ARHGAP4: variants seen among roughly 807,000 people sequenced by gnomAD.
ARHGAP4 encodes the protein Rho GTPase activating protein 4.
In ARHGAP4, 25 loss-of-function variants were observed where a neutral mutation model predicts 67.6. The observed-to-expected ratio is 0.37, with a 90% CI of 0.27 to 0.52. The LOEUF is 0.52. Among genes scored for constraint, ARHGAP4 ranks in the 20% least tolerant of loss-of-function variants. The pLI is 0.92. For synonymous variants in ARHGAP4, 448 were observed against 373.7 expected (o/e 1.20, Z -2.29); for missense variants, 804 against 854.6 (o/e 0.94, Z 0.74).
chrX:153,908,535 C>A (rs782292000), intron 21 of ARHGAP4, among the ~76,000 whole-genome samples: 4 of 110,868 alleles, frequency 3.6e-5, no homozygotes, highest in Non-Finnish European at 7.7e-5. Context: ...CCAGGTTGTG[C>A]GCTTGCCAGG....
intron 12 of ARHGAP4, among the ~76,000 whole-genome samples, 182 bp downstream of exon 12, chrX:153,912,518 G>A (rs2065028008): frequency 8.9e-6 from 1 of 112,233 alleles, no homozygotes; most frequent in African/African-American, 3.2e-5. Context: ...CCTTCAATCA[G>A]CGGAGGCTAT....
chrX:153,908,757 C>T (rs1557101917), intron 21 of ARHGAP4, among the ~76,000 whole-genome samples: 1 of 112,236 alleles, frequency 8.9e-6, no homozygotes, highest in Admixed American at 9.4e-5. Context: ...ACCAGGTAAA[C>T]AGCCTTAACT....
Position 153,913,592 on chromosome X carries a change from C to T in ARHGAP4, c.1143G>A (p.Lys381=). The T allele has an allele frequency of 8.3e-7, 1 of 1,205,550 alleles. No individual in the cohort carries two copies. The highest frequency in any genetic ancestry group is 1.1e-6 in the Non-Finnish European group (1 of 891,657). The change falls in exon 9 of 22, where the codon AAG becomes AAA. Residue 381 remains lysine, a synonymous_variant. Coordinates refer to ENST00000350060, the MANE Select transcript of ARHGAP4 (RefSeq NM_001666.5). The stretch of plus-strand genomic sequence containing the variant: ...GGGCCTGCAGTGTCGCCTTCAGAGT[C>T]TTGTTCACCTGCAGAGGAGACCACA... ...RQTIETEEVN[K]TLKATLQALL... is the part of the protein sequence containing the mutation.
chrX:153,925,759 A>T (rs1274644186), intron 1 of ARHGAP4, among the ~76,000 whole-genome samples: 2 of 111,147 alleles, frequency 1.8e-5, no homozygotes, highest in African/African-American at 6.6e-5. Flanking sequence ...TCCCTTACTC[A>T]CCCCCCAGCC....
intron 12 of ARHGAP4, 46 bp from the exon 13 acceptor site, chrX:153,911,235 G>GT (rs1557103233): frequency 4.8e-6 from 3 of 630,910 alleles, no homozygotes; most frequent in Non-Finnish European, 7.1e-6. Flanking sequence ...AGCATGCCCT[G>GT]TGTTGTCATT....
rs781926282 is a variant in ARHGAP4, at chrX:153,910,042, G to C, written c.2200C>G (p.Leu734Val). Residue 734 changes from leucine (L) to valine (V), a missense_variant, in exon 18 of 22, where the codon CTG (leucine) becomes GTG (valine). Around this residue, in one of 2 missense-constraint regions of ARHGAP4, gnomAD observed 400 missense variants for 348.7 expected, o/e 1.15. Transcript: ENST00000350060. ...TCCTGTGCGGGCATCTCGGCTTCCAGCTCCGGCTCATTGTCCGCCCCCAGG... is the reference window on the plus strand; with the variant it reads ...TCCTGTGCGGGCATCTCGGCTTCCACCTCCGGCTCATTGTCCGCCCCCAGG... Reference protein sequence around the residue: ...ESLGADNEPELEAEMPAQEDD... With the variant: ...ESLGADNEPEVEAEMPAQEDD... The C allele has an allele frequency of 6.3e-5, 76 of 1,210,065 alleles. No individual in the cohort carries two copies. Among genetic ancestry groups the C allele is most frequent in the Non-Finnish European group, 8.3e-5 (74 of 895,244 alleles).
intron 21 of ARHGAP4, 44 bp downstream of exon 21, chrX:153,909,026 C>A (rs1557101974): frequency 2.6e-6 from 3 of 1,164,461 alleles, no homozygotes; most frequent in Non-Finnish European, 1.2e-6. Context: ...AGGCAGAGAT[C>A]CCCCAGGACA....
chrX:153,911,252 C>CTTT (rs10710691), intron 12 of ARHGAP4, 63 bp from the exon 13 acceptor site: 214 of 422,181 alleles, frequency 5.1e-4, no homozygotes, highest in African/African-American at 1.7e-3. Context: ...CATTCAATTG[C>CTTT]TTTTTTTTTT....
In ARHGAP4 at chrX:153,926,146, C is replaced by A. The variant is rs782305620; in HGVS notation, c.57G>T (p.Thr19=). Residue 19 remains threonine (T), a synonymous_variant, in exon 1 of 22, where the codon ACG becomes ACT. Transcript: ENST00000350060. ...CCGGCGCCCTCTCACCTTTGACTTG[C>A]GTCTCATACTCAGCCTGCAGCCCCC... ...RERGLQAEYE[T]QVKEMRWQLS... 2.5e-6 allele frequency: 3 copies of A among 1,204,786 alleles called. No individual in the cohort carries two copies. Among genetic ancestry groups the A allele is most frequent in the South Asian group, 1.8e-5 (1 of 56,580 alleles).
chrX:153,911,456 G>A (rs1004497315), intron 12 of ARHGAP4, among the ~76,000 whole-genome samples: 16 of 110,854 alleles, frequency 1.4e-4, no homozygotes, highest in African/African-American at 3.6e-4. Context: ...ACACATCATC[G>A]TTGTCGGCAC....
intron 21 of ARHGAP4, among the ~76,000 whole-genome samples, chrX:153,908,587 G>A (rs1557101848): frequency 9.0e-6 from 1 of 111,473 alleles, no homozygotes; most frequent in Non-Finnish European, 1.9e-5. Flanking sequence ...GAGAGCCGCT[G>A]CTGCCCCACC....
chrX:153,920,758 G>A lies in ARHGAP4; in HGVS notation c.549C>T (p.Ala183=), dbSNP rs144176249. ...AYHMESVNAE[A]KLREAERQEE... is the part of the protein sequence containing the mutation. ...CCTGCCGCTCGGCCTCCCGGAGCTT[G>A]GCCTCGGCATTCACGCTCTCCATGT... Residue 183 remains alanine (A), a synonymous_variant, in exon 5 of 22, where the codon GCC becomes GCT. Transcript: ENST00000350060. 8.5e-5 allele frequency: 103 copies of A among 1,211,076 alleles called. No homozygotes were observed. Among genetic ancestry groups the A allele is most frequent in the Non-Finnish European group, 1.1e-4 (95 of 895,425 alleles).
chrX:153,919,615 G>A (rs781897914), intron 5 of ARHGAP4: 23 of 1,165,421 alleles, frequency 2.0e-5, no homozygotes, highest in Admixed American at 1.0e-4. Context: ...GAGGGTGCAC[G>A]AGAAACCCAG....
chrX:153,912,551 G>C (rs1347691101), intron 12 of ARHGAP4, 149 bp downstream of exon 12: 1 of 496,352 alleles, frequency 2.0e-6, no homozygotes, highest in Non-Finnish European at 3.4e-6. Flanking sequence ...CAGTGGCCTG[G>C]AAGAGGCCCA....
intron 19 of ARHGAP4, 63 bp downstream of exon 19, chrX:153,909,678 G>T: frequency 8.9e-7 from 1 of 1,120,263 alleles, no homozygotes. Flanking sequence ...CTTGGGGTCG[G>T]GGGAGGGGTG....
rs782089345 is a variant in ARHGAP4, at chrX:153,910,057, C to G, written c.2185G>C (p.Asp729His). ...GDAQLESLGA[D>H]NEPELEAEMP... ...TCGGCTTCCAGCTCCGGCTCATTGT[C>G]CGCCCCCAGGCTCTCCAGCTGGGCG... Residue 729 changes from aspartate (D) to histidine (H), a missense_variant, in exon 18 of 22, where the codon GAC (aspartate) becomes CAC (histidine). By Grantham distance (81) the Asp-to-His change is moderately conservative. Around this residue, in one of 2 missense-constraint regions of ARHGAP4, gnomAD observed 400 missense variants for 348.7 expected, o/e 1.15. Transcript: ENST00000350060. 1 of 1,211,350 alleles carries G rather than the reference C, an allele frequency of 8.3e-7. No homozygotes were observed. Among genetic ancestry groups the G allele is most frequent in the Non-Finnish European group, 1.1e-6 (1 of 895,458 alleles).
In ARHGAP4 at chrX:153,921,742, C is replaced by A; in HGVS notation, c.135G>T (p.Leu45Phe). 8.3e-7 allele frequency: 1 copy of A among 1,198,514 alleles called. No individual in the cohort carries two copies. The highest frequency in any genetic ancestry group is 1.1e-6 in the Non-Finnish European group (1 of 889,111). The change falls in exon 2 of 22, where the codon TTG (leucine) becomes TTT (phenylalanine). Residue 45 changes from leucine to phenylalanine, a missense_variant. This residue lies in a region of ARHGAP4 where 404 missense variants were observed against 505.9 expected (regional missense o/e 0.80). Transcript: ENST00000350060. ...LELQGELRRE[L>F]LQELAEFMRR... ...GCATGAACTCTGCCAGCTCCTGCAG[C>A]AACTCCCGCCGCAGCTCGCCCTGCA...
At chrX:153,910,121 G>A (rs782238838) in intron 17 of ARHGAP4, 36 bp from the exon 18 acceptor site, 6 of 1,209,770 alleles carry the variant, frequency 5.0e-6, no homozygotes, top group East Asian at 3.0e-5. Flanking sequence ...GATGAGGGGG[G>A]CTCTTCTCCA....
chrX:153,909,150 G>A lies in ARHGAP4; in HGVS notation c.2527C>T (p.Pro843Ser), dbSNP rs782750206. The change falls in exon 21 of 22, where the codon CCT becomes TCT. Residue 843 changes from proline to serine, a missense_variant. Pro to Ser is a moderately conservative substitution (Grantham distance 74). Coordinates refer to ENST00000350060, the MANE Select transcript of ARHGAP4 (RefSeq NM_001666.5). ...LVHRPEPCTS[P>S]EAMGPSGHRR... ...TGTCCAGAGGGTCCCATGGCCTCAG[G>A]TGAGGTGCATGGCTCTGGCCTGCAG... 2 of 1,210,027 alleles carry A rather than the reference G, an allele frequency of 1.7e-6. No individual in the cohort carries two copies. The highest frequency in any genetic ancestry group is 3.5e-5 in the South Asian group (2 of 56,693).
Sources: allele counts gnomAD v4.1 joint callset (sites outside exome capture counted in the v4.1 genomes callset), GRCh38; gene constraint gnomAD v4.1.1; regional missense constraint gnomAD v4.1.1; transcripts MANE v1.5; gene names NCBI Gene and HGNC (gene_info 2026-07-23, HGNC 2026-07-21).